MCTP2: variants seen among roughly 807,000 people sequenced by gnomAD.
The protein encoded by MCTP2 is multiple C2 and transmembrane domain-containing protein 2.
A neutral mutation model predicts 111.6 loss-of-function variants in MCTP2; 132 were observed. That is an observed-to-expected ratio of 1.18 (90% confidence interval 1.03 to 1.37). The LOEUF is 1.37. MCTP2 is among the 40% of genes most tolerant of loss of function. MCTP2 has a pLI of 0.00. For missense variants in MCTP2, 1,183 were observed against 1,067.9 expected (o/e 1.11, Z -1.50); for synonymous variants, 395 against 387.7 (o/e 1.02, Z -0.22).
chr15:94,392,245 G>A (rs900434616), intron 14 of MCTP2, among the ~76,000 whole-genome samples: 1 of 151,958 alleles, frequency 6.6e-6, no homozygotes, highest in Admixed American at 6.6e-5. Context: ...GGAGGCAGGT[G>A]CCTGTAGTCC....
intron 1 of MCTP2, 37 bp from the exon 2 acceptor site, chr15:94,298,162 TTG>T: frequency 4.0e-5 from 35 of 873,054 alleles, no homozygotes; most frequent in South Asian, 6.4e-5. Context: ...TTTTTTTTTT[TTG>T]TTTGTTTGTT....
chr15:94,244,215 CATAT>C (rs1567257589), intron 1 of MCTP2, among the ~76,000 whole-genome samples: 3 of 140,300 alleles, frequency 2.1e-5, no homozygotes, highest in Non-Finnish European at 3.1e-5. Flanking sequence ...TATACACATA[CATAT>C]GTGTATATAT....
Position 94,314,296 on chromosome 15 carries a change from C to A in MCTP2, c.480C>A (p.Ser160Arg), listed in dbSNP as rs749409827. 3 of 1,608,262 alleles carry A rather than the reference C, an allele frequency of 1.9e-6. No homozygotes were observed. In the East Asian group the frequency reaches 6.7e-5, roughly 36 times the overall value. The change falls in exon 3 of 23, where the codon AGC becomes AGA. Residue 160 changes from serine to arginine, a missense_variant. Coordinates refer to ENST00000357742, the MANE Select transcript of MCTP2 (RefSeq NM_001385001.1). ...TTTCTTTGCAGAAGCTATGTGGAAG[C>A]AGTGACCTGAATGCTTCTATGACAT... ...APEEPEKLCG[S>R]SDLNASMTSQ...
chr15:94,407,544 G>T (rs2081959938), intron 17 of MCTP2, among the ~76,000 whole-genome samples: 1 of 152,044 alleles, frequency 6.6e-6, no homozygotes, highest in South Asian at 2.1e-4. Context: ...TTTCAGAGTT[G>T]ACAAGGACTG....
chr15:94,249,517 A>G (rs1034369014), intron 1 of MCTP2, among the ~76,000 whole-genome samples: 1 of 146,890 alleles, frequency 6.8e-6, no homozygotes, highest in Non-Finnish European at 1.5e-5. Flanking sequence ...ACGGAGTCTC[A>G]CTCTGTCACC....
intron 1 of MCTP2, among the ~76,000 whole-genome samples, chr15:94,266,267 G>A (rs755146192): frequency 1.6e-4 from 25 of 152,156 alleles, no homozygotes; most frequent in African/African-American, 5.8e-4. Context: ...CCATTTCCTG[G>A]TGCTGCATTA....
intron 4 of MCTP2, 35 bp from the exon 5 acceptor site, chr15:94,339,255 T>A: frequency 1.3e-6 from 2 of 1,517,046 alleles, no homozygotes; most frequent in Non-Finnish European, 1.8e-6. Flanking sequence ...TACATGTATT[T>A]TAAAATTCTG....
intron 13 of MCTP2, among the ~76,000 whole-genome samples, chr15:94,384,936 A>G (rs1360667328): frequency 6.6e-6 from 1 of 152,196 alleles, no homozygotes; most frequent in Admixed American, 6.5e-5. Context: ...CTTCTGGTCA[A>G]TATTAAAATA....
intron 17 of MCTP2, among the ~76,000 whole-genome samples, chr15:94,438,745 T>C (rs988639621): frequency 1.3e-5 from 2 of 152,158 alleles, no homozygotes; most frequent in South Asian, 2.1e-4. Flanking sequence ...AGAGTATTTA[T>C]AAAACATTTC....
At chr15:94,442,998 C>A (rs1298396723) in intron 19 of MCTP2, 38 bp downstream of exon 19, 3 of 1,575,210 alleles carry the variant, frequency 1.9e-6, no homozygotes, top group Non-Finnish European at 2.6e-6. Context: ...CAAAAAAACA[C>A]TAGTGTTGTC....
chr15:94,302,771 T>G (rs148477182), intron 2 of MCTP2, among the ~76,000 whole-genome samples: 36 of 152,352 alleles, frequency 2.4e-4, no homozygotes, highest in African/African-American at 8.4e-4. Flanking sequence ...CTTTCCCTGC[T>G]TTTCATGTTT....
intron 2 of MCTP2, among the ~76,000 whole-genome samples, chr15:94,303,531 G>T (rs1456959565): frequency 6.6e-6 from 1 of 152,036 alleles, no homozygotes; most frequent in Non-Finnish European, 1.5e-5. Flanking sequence ...ATATCCTTCG[G>T]TCTAATCAAG....
In MCTP2 at chr15:94,352,570, G is replaced by A. The variant is rs184477760; in HGVS notation, c.1006-3567G>A. Among the ~76,000 whole-genome samples the A allele has an allele frequency of 4.6e-5, 7 of 152,282 alleles. No individual in the cohort carries two copies. The East Asian group carries it at 9.6e-4, about 21-fold the overall frequency. On this transcript the variant is annotated intron_variant, in intron 8 of 22. Coordinates refer to ENST00000357742, the MANE Select transcript of MCTP2 (RefSeq NM_001385001.1). Reference sequence around the variant, plus strand: ...GCTGAGAAATTAGGGTCAGGGGCCCGAAACTTTTCACTATCTCTTGGCGTC... The same window carrying A: ...GCTGAGAAATTAGGGTCAGGGGCCCAAAACTTTTCACTATCTCTTGGCGTC...
At chr15:94,294,984 C>G (rs1338533210) in intron 1 of MCTP2, among the ~76,000 whole-genome samples, 1 of 125,884 alleles carries the variant, frequency 7.9e-6, no homozygotes, top group Admixed American at 8.8e-5. Context: ...CAGTCTTACT[C>G]CATCACCCAG....
At chr15:94,272,113 A>G (rs527551172) in intron 1 of MCTP2, among the ~76,000 whole-genome samples, 7 of 152,372 alleles carry the variant, frequency 4.6e-5, no homozygotes, top group Non-Finnish European at 8.8e-5. Context: ...GAACTGTTTA[A>G]GAGATCCATC....
In MCTP2 at chr15:94,356,165, C is replaced by CT. The variant is rs564883944; in HGVS notation, c.1035dup (p.Glu346Ter). On this transcript the variant is annotated frameshift_variant, in exon 9 of 23. Transcript: ENST00000357742. LOFTEE classifies it high-confidence loss of function. ...TCTTTGATACGCAACCTACGGCTCT[C>CT]TGAGTCCTTGAAAAAGAACCAACTC... 1.3e-4 allele frequency: 208 copies of CT among 1,611,570 alleles called. 1 individual carries two copies. The South Asian group carries it at 2.2e-3, about 17-fold the overall frequency.
At chr15:94,305,168 G>A (rs1049511334) in intron 2 of MCTP2, among the ~76,000 whole-genome samples, 7 of 152,150 alleles carry the variant, frequency 4.6e-5, no homozygotes, top group Non-Finnish European at 8.8e-5. Flanking sequence ...TCAGAAGCAT[G>A]GAGCCCTGAT....
intron 17 of MCTP2, among the ~76,000 whole-genome samples, chr15:94,404,402 A>T (rs6497205): frequency 6.6e-6 from 1 of 151,072 alleles, no homozygotes; most frequent in African/African-American, 2.4e-5. Context: ...CCCGGGTTCA[A>T]GCGATTCTTC....
chr15:94,326,817 C>CCT lies in MCTP2; in HGVS notation c.637+11180_637+11181insCT, dbSNP rs1491206407. ...TCTTGACCTCAGGTGATCCCCGCCC[C>CCT]ACCCCCCCCCAACCTCGGCCTCCCA... On this transcript the variant is annotated intron_variant, in intron 4 of 22. Transcript: ENST00000357742. Among the ~76,000 whole-genome samples, 2 of 51,730 alleles carry CCT rather than the reference C, an allele frequency of 3.9e-5. 1 individual carries two copies. The highest frequency in any genetic ancestry group is 8.4e-5 in the Non-Finnish European group (2 of 23,914). 33.9% of individuals were successfully genotyped at this position (51,730 alleles called of 152,430 possible).
Sources: allele counts gnomAD v4.1 joint callset (sites outside exome capture counted in the v4.1 genomes callset), GRCh38; gene constraint gnomAD v4.1.1; transcripts MANE v1.5; gene names NCBI Gene and HGNC (gene_info 2026-07-23, HGNC 2026-07-21).